Variants in ME3 observed in about 807,000 individuals in gnomAD.
ME3 encodes the protein malic enzyme 3.
In ME3, 48 loss-of-function variants were observed where a neutral mutation model predicts 68.9. The ratio of observed to expected loss-of-function variants is 0.70; its 90% CI spans 0.55 to 0.89. The LOEUF is 0.89. ME3 is among the 40% of genes least tolerant of loss of function. The pLI, the probability that ME3 is intolerant of heterozygous loss-of-function variation, is 0.00. For synonymous variants in ME3, 320 were observed against 318.8 expected (o/e 1.00, Z -0.04); for missense variants, 675 against 797.4 (o/e 0.85, Z 1.85).
At chr11:86,502,331 T>G (rs1952780321) in intron 5 of ME3, among the ~76,000 whole-genome samples, 1 of 152,196 alleles carries the variant, frequency 6.6e-6, no homozygotes, top group Non-Finnish European at 1.5e-5. Context: ...ATCACTCCCT[T>G]CCTTGTATTA....
chr11:86,443,000 T>C, intron 13 of ME3, 81 bp from the exon 14 acceptor site: 1 of 1,091,216 alleles, frequency 9.2e-7, no homozygotes, highest in Non-Finnish European at 1.4e-6. Context: ...CCCCAGAGAC[T>C]CACCCCACCC....
intron 5 of ME3, among the ~76,000 whole-genome samples, chr11:86,499,705 A>G (rs773023805): frequency 3.3e-5 from 5 of 152,160 alleles, no homozygotes; most frequent in Admixed American, 6.5e-5. Flanking sequence ...ATCCATGAAA[A>G]TCATGATATT....
downstream of ME3, among the ~76,000 whole-genome samples, chr11:86,437,512 A>C (rs1022559241): frequency 6.7e-6 from 1 of 150,110 alleles, no homozygotes; most frequent in Non-Finnish European, 1.5e-5. Context: ...AAAACCCTAC[A>C]ATGGTTTTGA....
At chr11:86,655,577 T>C (rs548550679) in intron 2 of ME3, among the ~76,000 whole-genome samples, 18 of 152,106 alleles carry the variant, frequency 1.2e-4, no homozygotes, top group South Asian at 6.2e-4. Flanking sequence ...CGCTTCCTTA[T>C]ACCTTATACA....
At chr11:86,444,407 A>G (rs530547531) in intron 13 of ME3, among the ~76,000 whole-genome samples, 1 of 152,274 alleles carries the variant, frequency 6.6e-6, no homozygotes, top group Non-Finnish European at 1.5e-5. Context: ...TGTATGCACC[A>G]AGGAGCCATA....
At chr11:86,531,814 C>G (rs372246297) in intron 4 of ME3, among the ~76,000 whole-genome samples, 7 of 97,764 alleles carry the variant, frequency 7.2e-5, no homozygotes, top group African/African-American at 2.9e-4. Flanking sequence ...CATCACACAC[C>G]GGGGCCTATT....
chr11:86,584,585 A>G (rs1958626772), intron 2 of ME3, among the ~76,000 whole-genome samples: 1 of 152,240 alleles, frequency 6.6e-6, no homozygotes, highest in South Asian at 2.1e-4. Flanking sequence ...AAAAGGGCAT[A>G]TACATAAAAT....
chr11:86,668,436 C>G (rs1565303345), intron 2 of ME3, among the ~76,000 whole-genome samples: 1 of 152,144 alleles, frequency 6.6e-6, no homozygotes, highest in African/African-American at 2.4e-5. Context: ...ATCCACTAAG[C>G]TAATTTCATG....
At chr11:86,668,363 T>G (rs1242124404) in intron 2 of ME3, 6 of 152,226 alleles carry the variant, frequency 3.9e-5, no homozygotes, top group Non-Finnish European at 8.8e-5. Context: ...CTTTATTAAC[T>G]TCAATGCATT....
intron 2 of ME3, among the ~76,000 whole-genome samples, chr11:86,630,629 A>C (rs988953817): frequency 1.3e-5 from 2 of 152,268 alleles, no homozygotes; most frequent in Admixed American, 6.5e-5. Context: ...AGAAATCAAA[A>C]GGATGAAGCA....
At chr11:86,514,300 A>G (rs566080576) in intron 4 of ME3, among the ~76,000 whole-genome samples, 1 of 152,300 alleles carries the variant, frequency 6.6e-6, no homozygotes, top group African/African-American at 2.4e-5. Context: ...TTATAGCAGC[A>G]TGAGAATGGA....
chr11:86,595,331 A>AGG (rs1959240121), intron 2 of ME3, among the ~76,000 whole-genome samples: 1 of 139,194 alleles, frequency 7.2e-6, no homozygotes, highest in Non-Finnish European at 1.5e-5. Flanking sequence ...AGAGAGAGAG[A>AGG]GCTTATTATG....
At chr11:86,597,727 A>G (rs1439975176) in intron 2 of ME3, among the ~76,000 whole-genome samples, 1 of 152,162 alleles carries the variant, frequency 6.6e-6, no homozygotes, top group Non-Finnish European at 1.5e-5. Flanking sequence ...ATGAGTGACC[A>G]CGGCCCGTGA....
intron 7 of ME3, among the ~76,000 whole-genome samples, chr11:86,475,335 G>T (rs552232582): frequency 2.0e-5 from 3 of 152,098 alleles, no homozygotes; most frequent in Non-Finnish European, 2.9e-5. Context: ...ACCTTCTCCC[G>T]CTTTGCCTTC....
chr11:86,511,491 G>T (rs1199711980), intron 4 of ME3, among the ~76,000 whole-genome samples: 1 of 152,166 alleles, frequency 6.6e-6, no homozygotes, highest in Non-Finnish European at 1.5e-5. Context: ...TTTGCTTCTA[G>T]TCTCACAGGC....
intron 5 of ME3, among the ~76,000 whole-genome samples, chr11:86,499,633 G>T (rs1380474239): frequency 1.3e-5 from 2 of 152,202 alleles, no homozygotes; most frequent in Non-Finnish European, 2.9e-5. Context: ...GTGGAAATAA[G>T]TGTAGAGATT....
At chr11:86,644,767 G>C (rs553167197) in intron 2 of ME3, among the ~76,000 whole-genome samples, 1 of 152,294 alleles carries the variant, frequency 6.6e-6, no homozygotes, top group African/African-American at 2.4e-5. Context: ...AGGATTCCCA[G>C]GCAAGATGGT....
chr11:86,478,534 G>A (rs1441032618), intron 7 of ME3, among the ~76,000 whole-genome samples: 1 of 152,062 alleles, frequency 6.6e-6, no homozygotes, highest in Non-Finnish European at 1.5e-5. Context: ...TATGGGTTCT[G>A]CCTCTAATCT....
intron 4 of ME3, among the ~76,000 whole-genome samples, chr11:86,551,301 C>G (rs1956669888): frequency 6.6e-6 from 1 of 152,118 alleles, no homozygotes; most frequent in Admixed American, 6.5e-5. Flanking sequence ...TGTGGAGTAG[C>G]TCCAAGGCCA....
Sources: allele counts gnomAD v4.1 joint callset (sites outside exome capture counted in the v4.1 genomes callset), GRCh38; gene constraint gnomAD v4.1.1; transcripts MANE v1.5; gene names NCBI Gene and HGNC (gene_info 2026-07-23, HGNC 2026-07-21).